MYH13: variants seen among roughly 807,000 people sequenced by gnomAD.
The protein encoded by MYH13 is myosin heavy chain 13, also known as myosin-13.
A neutral mutation model predicts 232.1 loss-of-function variants in MYH13; 177 were observed. That is an observed-to-expected ratio of 0.76 (90% confidence interval 0.67 to 0.86). The LOEUF is 0.86. Among genes scored for constraint, MYH13 ranks in the 40% least tolerant of loss-of-function variants. The pLI, the probability that MYH13 is intolerant of heterozygous loss-of-function variation, is 0.00. For synonymous variants in MYH13, 884 were observed against 923.5 expected, an observed-to-expected ratio of 0.96 and a Z score of 0.78; for missense variants, 2,246 against 2,405.9, an observed-to-expected ratio of 0.93 and a Z score of 1.39.
At chr17:10,326,431 C>A (rs979580383) in intron 22 of MYH13, among the ~76,000 whole-genome samples, 10 of 152,200 alleles carry the variant, frequency 6.6e-5, no homozygotes, top group Non-Finnish European at 5.9e-5. Flanking sequence ...GTGAAAGAGA[C>A]AATTATACTG....
chr17:10,308,443 C>CT lies in MYH13; in HGVS notation c.5169+790dup, dbSNP rs57432823. On this transcript the variant is annotated intron_variant, in intron 35 of 40. Transcript: ENST00000252172. ...TATATGTATTTATTTTTAATTAAAA[C>CT]TTTTTTTTTTTTTTTTTTTTTTGTA... is the stretch of plus-strand genomic sequence containing the variant. Among the ~76,000 whole-genome samples, 365 of 113,078 alleles carry CT rather than the reference C, an allele frequency of 3.2e-3. 6 individuals carry two copies. The highest frequency in any genetic ancestry group is 0.026 in the East Asian group (106 of 4,000). The allele number at this position is 113,078 out of a possible 152,430, so 74.2% of individuals were successfully genotyped here.
chr17:10,342,631 G>A (rs931072401), intron 16 of MYH13, among the ~76,000 whole-genome samples: 4 of 152,110 alleles, frequency 2.6e-5, no homozygotes, highest in Non-Finnish European at 4.4e-5. Context: ...AAAGAACAAA[G>A]TCCTGATACA....
At chr17:10,305,235 C>T (rs1459350227) in intron 37 of MYH13, among the ~76,000 whole-genome samples, 1 of 152,130 alleles carries the variant, frequency 6.6e-6, no homozygotes, top group Non-Finnish European at 1.5e-5. Context: ...GGGCTCCCCG[C>T]CAACCCAGGA....
At chr17:10,346,644 G>A in intron 13 of MYH13, 36 bp downstream of exon 13, 1 of 1,514,874 alleles carries the variant, frequency 6.6e-7, no homozygotes, top group South Asian at 1.2e-5. Flanking sequence ...AATAGCAAAA[G>A]ATCTCAATCA....
chr17:10,335,954 G>C (rs1446417957), intron 18 of MYH13, among the ~76,000 whole-genome samples: 1 of 152,208 alleles, frequency 6.6e-6, no homozygotes, highest in Non-Finnish European at 1.5e-5. Context: ...TTTTACAGTG[G>C]GGAGGCCAGA....
At chr17:10,367,342 A>G (rs2071845490) in intron 2 of MYH13, among the ~76,000 whole-genome samples, 1 of 152,186 alleles carries the variant, frequency 6.6e-6, no homozygotes, top group African/African-American at 2.4e-5. Context: ...ACATTAACAT[A>G]AACATTTTAT....
At chr17:10,311,368 G>T in intron 32 of MYH13, 141 bp from the exon 33 acceptor site, 1 of 1,032,080 alleles carries the variant, frequency 9.7e-7, no homozygotes, top group Non-Finnish European at 1.4e-6. Flanking sequence ...CAGATGAGGT[G>T]TTGGCAAGAC....
intron 2 of MYH13, among the ~76,000 whole-genome samples, chr17:10,368,715 G>T (rs1244138402): frequency 6.6e-6 from 1 of 152,174 alleles, no homozygotes; most frequent in Non-Finnish European, 1.5e-5. Flanking sequence ...AGCCTCAAGT[G>T]CCTCCTAAAA....
chr17:10,350,079 G>T (rs1486604988), intron 12 of MYH13, among the ~76,000 whole-genome samples: 1 of 152,128 alleles, frequency 6.6e-6, no homozygotes, highest in Non-Finnish European at 1.5e-5. Flanking sequence ...GAGAGTTATG[G>T]GGAGGAAGAA....
chr17:10,306,220 ATG>A lies in MYH13; in HGVS notation c.5466+237_5466+238del, dbSNP rs34889608. ...CTGAGGTGTGAGCATACCAAAATAGATGTGTGTGTGTGTGTGTGTGTGTGTGT... is the reference window on the plus strand; with the variant it reads ...CTGAGGTGTGAGCATACCAAAATAGATGTGTGTGTGTGTGTGTGTGTGTGT... On this transcript the variant is annotated intron_variant, in intron 37 of 40. Coordinates refer to ENST00000252172, the MANE Select transcript of MYH13 (RefSeq NM_003802.3). This position sits in a 1 kb window ranked among gnomAD's most constrained non-coding sequence, Gnocchi z 4.3. 0.08 allele frequency among the ~76,000 whole-genome samples: 10,364 copies of A among 129,778 alleles called. 438 individuals carry two copies. Among genetic ancestry groups the A allele is most frequent in the Admixed American group, 0.1 (1,304 of 12,926 alleles). 85.1% of individuals were successfully genotyped at this position (129,778 alleles called of 152,430 possible).
At position 10,347,712 on chromosome 17, in the gene MYH13, C is replaced by CTTTTTTT. The variant is rs71139041; in HGVS notation, c.1145-921_1145-915dup. 1.2e-3 allele frequency among the ~76,000 whole-genome samples: 102 copies of CTTTTTTT among 86,720 alleles called. 3 individuals are homozygous for CTTTTTTT. Among genetic ancestry groups the CTTTTTTT allele is most frequent in the Non-Finnish European group, 1.5e-3 (70 of 47,952 alleles). The allele number at this position is 86,720 out of a possible 152,430, so 56.9% of individuals were successfully genotyped here. On this transcript the variant is annotated intron_variant, in intron 12 of 40. Coordinates refer to ENST00000252172, the MANE Select transcript of MYH13 (RefSeq NM_003802.3). ...AAATGCTGCTCCCCAGGGACTACTT[C>CTTTTTTT]TTTTTTTTTTTTTTTTTTTTTTTGG...
chr17:10,336,704 A>G (rs1241102716), intron 18 of MYH13, among the ~76,000 whole-genome samples: 1 of 152,138 alleles, frequency 6.6e-6, no homozygotes, highest in African/African-American at 2.4e-5. Context: ...GGCCAACTTG[A>G]GAAAGTCCCT....
Position 10,312,712 on chromosome 17 carries a change from C to A in MYH13, c.4227G>T (p.Glu1409Asp). 6.2e-7 allele frequency: 1 copy of A among 1,613,684 alleles called. No individual in the cohort carries two copies. The highest frequency in any genetic ancestry group is 8.5e-7 in the Non-Finnish European group (1 of 1,179,824). ...ACGATGCGCACTTGGAGTTCGCCGTCTCCGTGTTCTCCTCTGCTTCCTGGA... is the reference window on the plus strand; with the variant it reads ...ACGATGCGCACTTGGAGTTCGCCGTATCCGTGTTCTCCTCTGCTTCCTGGA... ...QRLQEAEENT[E>D]TANSKCASLE... Residue 1409 changes from glutamate to aspartate, a missense_variant, in exon 31 of 41, where the codon GAG becomes GAT. Transcript: ENST00000252172.
chr17:10,340,251 C>T lies in MYH13; in HGVS notation c.1969-14G>A, dbSNP rs773309909. On this transcript the variant is annotated splice_polypyrimidine_tract_variant and intron_variant, in intron 17 of 40. Transcript: ENST00000252172. The stretch of plus-strand genomic sequence containing the variant: ...GTTTAAATTTTCCTGGGACATAAAC[C>T]AAAACAAGCACATTTAGCAACTGCC... 4 of 1,613,630 alleles carry T rather than the reference C, an allele frequency of 2.5e-6. No homozygotes were observed. The highest frequency in any genetic ancestry group is 1.7e-4 in the Middle Eastern group (1 of 6,060).
At chr17:10,347,038 C>T (rs2071671906) in intron 12 of MYH13, among the ~76,000 whole-genome samples, 1 of 152,126 alleles carries the variant, frequency 6.6e-6, no homozygotes, top group Admixed American at 6.6e-5. Context: ...TACTCCGTGG[C>T]CAATTTTGAC....
chr17:10,318,653 A>G (rs2074871), intron 27 of MYH13, 137 bp downstream of exon 27: 146,127 of 1,167,526 alleles, frequency 0.13, 11,826 homozygotes, highest in East Asian at 0.31. Context: ...TTGAGGAACT[A>G]GAAACAGGCA....
chr17:10,357,555 C>G (rs2071758354), intron 8 of MYH13, among the ~76,000 whole-genome samples, 180 bp downstream of exon 8: 1 of 152,106 alleles, frequency 6.6e-6, no homozygotes, highest in Non-Finnish European at 1.5e-5. Flanking sequence ...TCTGCCAGGA[C>G]CAAGCCAACA....
At position 10,362,371 on chromosome 17, in the gene MYH13, A is replaced by G. The variant is rs1173864946; in HGVS notation, c.337T>C (p.Trp113Arg). ...LYNLKERYAA[W>R]MIYTYSGLFC... Reference sequence around the variant, plus strand: ...TTACAGACACTCACGTAGATCATCCAGGCTGCATAGCGCTCTTTGAGGTTG... The same window carrying G: ...TTACAGACACTCACGTAGATCATCCGGGCTGCATAGCGCTCTTTGAGGTTG... The change falls in exon 4 of 41, where the codon TGG becomes CGG. Residue 113 changes from tryptophan (W) to arginine (R), a missense_variant. Physicochemically the swap from Trp to Arg is moderately radical, Grantham distance 101 (BLOSUM62 -3). Transcript: ENST00000252172. The G allele has an allele frequency of 1.2e-6, 2 of 1,614,200 alleles. No homozygotes were observed. Among genetic ancestry groups the G allele is most frequent in the Non-Finnish European group, 8.5e-7 (1 of 1,180,040 alleles).
At chr17:10,310,452 G>A (rs1251632893) in intron 33 of MYH13, among the ~76,000 whole-genome samples, 2 of 152,180 alleles carry the variant, frequency 1.3e-5, no homozygotes, top group African/African-American at 2.4e-5. Flanking sequence ...AGAGAGGTCT[G>A]AGTATTTGGC....
Sources: allele counts gnomAD v4.1 joint callset (sites outside exome capture counted in the v4.1 genomes callset), GRCh38; gene constraint gnomAD v4.1.1; non-coding constraint Gnocchi (gnomAD v3.1); transcripts MANE v1.5; gene names NCBI Gene and HGNC (gene_info 2026-07-23, HGNC 2026-07-21).